Variants in MSANTD2 observed in about 807,000 individuals in gnomAD.
MSANTD2 encodes myb/SANT-like DNA-binding domain-containing protein 2.
In MSANTD2, 19 loss-of-function variants were observed where a neutral mutation model predicts 52.6. The ratio of observed to expected loss-of-function variants is 0.36; its 90% CI spans 0.25 to 0.53. The LOEUF (loss-of-function observed/expected upper bound fraction) is 0.53, where lower values mean the gene tolerates loss of function less well. Ranked by LOEUF, MSANTD2 falls within the 20% of genes least tolerant of loss-of-function variation. The pLI is 0.91. For missense variants in MSANTD2, 558 were observed against 716.3 expected, an observed-to-expected ratio of 0.78 and a Z score of 2.52; for synonymous variants, 291 against 289.7, an observed-to-expected ratio of 1.00 and a Z score of -0.04.
chr11:124,800,375 A>G lies in MSANTD2; in HGVS notation c.6T>C (p.Ala2=). The change falls in exon 1 of 4, where the codon GCT becomes GCC. Residue 2 remains alanine (A), a synonymous_variant. Transcript: ENST00000374979. This position sits in a 1 kb window ranked among gnomAD's most constrained non-coding sequence, Gnocchi z 4.3. The stretch of plus-strand genomic sequence containing the variant: ...CGGGCAGCTCCGAGCCACAGGGCGC[A>G]GCCATCTTCCAAGCGGCCGCCGCTG... M[A]APCGSELPAN... The G allele has an allele frequency of 6.6e-7, 1 of 1,517,826 alleles. No individual in the cohort carries two copies. 94.0% of individuals were successfully genotyped at this position (1,517,826 alleles called of 1,614,324 possible). A position where few individuals can be genotyped will look rare whatever the true frequency, so the allele number is the denominator to read the frequency against.
intron 1 of MSANTD2, among the ~76,000 whole-genome samples, chr11:124,782,098 C>G (rs900227300): frequency 1.3e-5 from 2 of 152,114 alleles, no homozygotes; most frequent in Non-Finnish European, 2.9e-5. Context: ...TATACTGATC[C>G]ACTAAAGGTG....
At chr11:124,781,183 CA>C (rs373484883) in intron 1 of MSANTD2, among the ~76,000 whole-genome samples, 5,029 of 62,954 alleles carry the variant, frequency 0.08, 204 homozygotes, top group African/African-American at 0.23. Flanking sequence ...GTCTCTGTCT[CA>C]AAAAAAAAAA....
At chr11:124,783,292 C>G (rs895701667) in intron 1 of MSANTD2, among the ~76,000 whole-genome samples, 7 of 152,126 alleles carry the variant, frequency 4.6e-5, no homozygotes, top group African/African-American at 1.7e-4. Flanking sequence ...GTCAATACTG[C>G]CTCCATGAGA....
rs2135224221 is a variant in MSANTD2, at chr11:124,767,541, T to C, written c.1315A>G (p.Met439Val). The C allele has an allele frequency of 2.5e-6, 4 of 1,614,150 alleles. No individual in the cohort carries two copies. The highest frequency in any genetic ancestry group is 3.4e-6 in the Non-Finnish European group (4 of 1,180,014). ...CCTGGGTCCAGGGAACTTTGCTCCA[T>C]GTGTGGTGAGAGGGGCCTCTCAATA... is the stretch of plus-strand genomic sequence containing the variant. The part of the protein sequence containing the change: ...ECIERPLSPH[M>V]EQSSLDPGKE... Residue 439 changes from methionine to valine, a missense_variant, in exon 4 of 4, where the codon ATG (methionine) becomes GTG (valine). Transcript: ENST00000374979. The surrounding 1 kb of genome is among the most constrained non-coding windows in gnomAD (Gnocchi z 6.5).
At chr11:124,793,080 G>A (rs890362646) in intron 1 of MSANTD2, among the ~76,000 whole-genome samples, 2 of 152,116 alleles carry the variant, frequency 1.3e-5, no homozygotes. Context: ...ATTGATGGAG[G>A]CAACTTGAAA....
In MSANTD2 at chr11:124,766,527, T is replaced by TA. The variant is rs1555111460; in HGVS notation, c.*648dup. ...AGGAATTACTTTAATTTTTTTTTTT[T>TA]AAAAAAAGGTTTAAATGGCAACACA... is the stretch of plus-strand genomic sequence containing the variant. On this transcript the variant is annotated 3_prime_UTR_variant, in exon 4 of 4. Transcript: ENST00000374979. 8,265 of 151,544 alleles carry TA rather than the reference T, an allele frequency of 0.055. 314 individuals are homozygous for TA. Among genetic ancestry groups the TA allele is most frequent in the Non-Finnish European group, 0.082 (5,556 of 67,844 alleles). 9.4% of individuals were successfully genotyped at this position (151,544 alleles called of 1,614,324 possible). A position where few individuals can be genotyped will look rare whatever the true frequency, so the allele number is the denominator to read the frequency against.
chr11:124,779,724 C>T lies in MSANTD2; in HGVS notation c.511-4750G>A, dbSNP rs1365833463. On this transcript the variant is annotated intron_variant, in intron 1 of 3. Transcript: ENST00000374979. The surrounding 1 kb of genome is among the most constrained non-coding windows in gnomAD (Gnocchi z 4.6). ...TCAAATGTAGCTGTCAAGCTGGCCA[C>T]ACTGGAAATGGATTACATAGTTATC... 6.6e-6 allele frequency among the ~76,000 whole-genome samples: 1 copy of T among 152,206 alleles called. No individual in the cohort carries two copies. The highest frequency in any genetic ancestry group is 1.5e-5 in the Non-Finnish European group (1 of 68,034).
chr11:124,777,575 A>C (rs757486331), intron 1 of MSANTD2, among the ~76,000 whole-genome samples: 2 of 152,264 alleles, frequency 1.3e-5, no homozygotes, highest in Non-Finnish European at 2.9e-5. Flanking sequence ...TAATGGTTAC[A>C]GATATGGAAG....
intron 1 of MSANTD2, among the ~76,000 whole-genome samples, chr11:124,796,150 T>G (rs1353664263): frequency 2.0e-5 from 3 of 152,196 alleles, no homozygotes; most frequent in Non-Finnish European, 2.9e-5. Context: ...AAGAGTTAAA[T>G]TATTAATTCA....
intron 1 of MSANTD2, among the ~76,000 whole-genome samples, chr11:124,781,044 G>A (rs1251975445): frequency 1.3e-5 from 2 of 152,096 alleles, no homozygotes; most frequent in East Asian, 1.9e-4. Context: ...TCAGCCAGGC[G>A]TGGTGGTGGG....
At chr11:124,783,782 C>T (rs1565460768) in intron 1 of MSANTD2, 3 of 985,004 alleles carry the variant, frequency 3.0e-6, no homozygotes, top group Non-Finnish European at 2.4e-6. Context: ...AGAAAAAAAC[C>T]CTAAAGAAGG....
At chr11:124,784,817 C>T (rs1945108659) in intron 1 of MSANTD2, 2 of 241,892 alleles carry the variant, frequency 8.3e-6, no homozygotes, top group South Asian at 3.0e-4. Context: ...CTAAGGTTAT[C>T]TGAAATCTTC....
intron 1 of MSANTD2, among the ~76,000 whole-genome samples, chr11:124,793,052 G>A (rs1022666004): frequency 6.6e-6 from 1 of 152,134 alleles, no homozygotes; most frequent in African/African-American, 2.4e-5. Context: ...TCTTTAACTG[G>A]GGTAGTCTCC....
intron 1 of MSANTD2, among the ~76,000 whole-genome samples, chr11:124,782,795 C>G (rs895242057): frequency 4.6e-5 from 7 of 152,082 alleles, no homozygotes; most frequent in Non-Finnish European, 7.4e-5. Flanking sequence ...AGTAGTAAAT[C>G]ACTAGCAAGA....
In MSANTD2 at chr11:124,767,826, G is replaced by A; in HGVS notation, c.1030C>T (p.Arg344Ter). The change falls in exon 4 of 4, where the codon CGA becomes TGA. Residue 344 changes from arginine to a stop codon, truncating the protein, a stop_gained. Transcript: ENST00000374979. LOFTEE classifies it high-confidence loss of function. The surrounding 1 kb of genome is among the most constrained non-coding windows in gnomAD (Gnocchi z 6.5). The stretch of plus-strand genomic sequence containing the variant: ...TCAGAGTTGAAGTACTCCCGAAGTC[G>A]CTTGCCAAGGGGCACCTGGGAGCTG... ...EISSQVPLGK[R>*]LREYFNSEKP... 3 of 1,614,170 alleles carry A rather than the reference G, an allele frequency of 1.9e-6. No individual in the cohort carries two copies. The highest frequency in any genetic ancestry group is 2.5e-6 in the Non-Finnish European group (3 of 1,180,006).
intron 1 of MSANTD2, chr11:124,791,247 A>G (rs1945324179): frequency 6.9e-7 from 1 of 1,438,868 alleles, no homozygotes. Context: ...GGGTCACAAC[A>G]AGCAAACCTG....
Position 124,774,577 on chromosome 11 carries a change from G to C in MSANTD2, c.766+142C>G. Reference sequence around the variant, plus strand: ...ATGCAAATTCATGAAAGACATACAAGGCAGAGATGCCCTTTATGCCTTATG... The same window carrying C: ...ATGCAAATTCATGAAAGACATACAACGCAGAGATGCCCTTTATGCCTTATG... On this transcript the variant is annotated intron_variant, in intron 2 of 3. Coordinates refer to ENST00000374979, the MANE Select transcript of MSANTD2 (RefSeq NM_001308027.2). This position sits in a 1 kb window ranked among gnomAD's most constrained non-coding sequence, Gnocchi z 5.1. 1 of 817,786 alleles carries C rather than the reference G, an allele frequency of 1.2e-6. No individual in the cohort carries two copies. The highest frequency in any genetic ancestry group is 1.9e-6 in the Non-Finnish European group (1 of 524,834). 50.7% of individuals were successfully genotyped at this position (817,786 alleles called of 1,614,324 possible). A position where few individuals can be genotyped will look rare whatever the true frequency, so the allele number is the denominator to read the frequency against.
chr11:124,800,083 G>T lies in MSANTD2; in HGVS notation c.298C>A (p.Arg100=). ...GAAAAAAAAC[R]GMSWTPAETN... ...TCGGCTGGCGTCCACGACATGCCCC[G>T]GCAGGCGGCGGCGGCGGCTGCCGCA... The change falls in exon 1 of 4, where the codon CGG becomes AGG. Residue 100 remains arginine, a synonymous_variant. Coordinates refer to ENST00000374979, the MANE Select transcript of MSANTD2 (RefSeq NM_001308027.2). The surrounding 1 kb of genome is among the most constrained non-coding windows in gnomAD (Gnocchi z 4.3). The T allele has an allele frequency of 6.7e-7, 1 of 1,494,298 alleles. No individual in the cohort carries two copies. 92.6% of individuals were successfully genotyped at this position (1,494,298 alleles called of 1,614,324 possible).
intron 1 of MSANTD2, among the ~76,000 whole-genome samples, chr11:124,796,838 A>C (rs1490540876): frequency 6.6e-6 from 1 of 152,256 alleles, no homozygotes; most frequent in African/African-American, 2.4e-5. Context: ...ATCAACACAA[A>C]GTGAAAGAGA....
Sources: allele counts gnomAD v4.1 joint callset (sites outside exome capture counted in the v4.1 genomes callset), GRCh38; gene constraint gnomAD v4.1.1; non-coding constraint Gnocchi (gnomAD v3.1); transcripts MANE v1.5; gene names NCBI Gene and HGNC (gene_info 2026-07-23, HGNC 2026-07-21).